Variants in NAALADL2 observed in about 807,000 individuals in gnomAD.
NAALADL2 encodes N-acetylated alpha-linked acidic dipeptidase like 2.
NAALADL2 carries 76 observed loss-of-function variants against 87.2 expected under a neutral mutation model. That is an observed-to-expected ratio of 0.87 (90% confidence interval 0.72 to 1.05). The LOEUF (loss-of-function observed/expected upper bound fraction) is 1.05. NAALADL2 is among the 50% of genes least tolerant of loss of function. The probability of loss-of-function intolerance (pLI) is 0.00; values close to 1 mark genes in which losing one functional copy is unlikely to be tolerated. For synonymous variants in NAALADL2, 354 were observed against 331.0 expected (o/e 1.07, Z -0.75); for missense variants, 1,089 against 945.8 (o/e 1.15, Z -1.99).
At chr3:174,892,858 G>T (rs1318818402) in intron 1 of NAALADL2, among the ~76,000 whole-genome samples, 1 of 148,516 alleles carries the variant, frequency 6.7e-6, no homozygotes, top group Non-Finnish European at 1.5e-5. Flanking sequence ...AGAGGTGGAG[G>T]TTGCAGTGAG....
At chr3:174,552,663 G>A (rs1712264874) in intron 2 of NAALADL2, among the ~76,000 whole-genome samples, 1 of 151,776 alleles carries the variant, frequency 6.6e-6, no homozygotes, top group Admixed American at 6.6e-5. Context: ...GGATGTGGTG[G>A]CACAGGCCTG....
At chr3:175,109,650 CACTT>C (rs1260111676) in intron 2 of NAALADL2, among the ~76,000 whole-genome samples, 1 of 151,846 alleles carries the variant, frequency 6.6e-6, no homozygotes, top group African/African-American at 2.4e-5. Flanking sequence ...TTCAAACGAA[CACTT>C]ACTGTGCTCT....
chr3:175,278,608 A>T (rs1304799569), intron 4 of NAALADL2, among the ~76,000 whole-genome samples: 2 of 152,120 alleles, frequency 1.3e-5, no homozygotes, highest in Non-Finnish European at 2.9e-5. Context: ...CCTTATAAAA[A>T]GTTCTTTTCT....
intron 1 of NAALADL2, among the ~76,000 whole-genome samples, chr3:174,865,169 G>A (rs1361665810): frequency 6.6e-6 from 1 of 151,916 alleles, no homozygotes; most frequent in Non-Finnish European, 1.5e-5. Flanking sequence ...TTAGTGTAAT[G>A]CAGGTTGTAT....
At chr3:174,908,075 C>A in intron 1 of NAALADL2, among the ~76,000 whole-genome samples, 1 of 135,288 alleles carries the variant, frequency 7.4e-6, no homozygotes. Flanking sequence ...CCTTTATCTC[C>A]CACTTGATTT....
At chr3:175,430,614 G>T (rs1717587348) in intron 5 of NAALADL2, among the ~76,000 whole-genome samples, 1 of 151,958 alleles carries the variant, frequency 6.6e-6, no homozygotes, top group South Asian at 2.1e-4. Context: ...TCCAGAGGCA[G>T]ATTCACTGAA....
At chr3:175,106,202 G>C in intron 2 of NAALADL2, among the ~76,000 whole-genome samples, 1 of 145,660 alleles carries the variant, frequency 6.9e-6, no homozygotes, top group East Asian at 2.1e-4. Flanking sequence ...TTTTTATTAA[G>C]TCTATCTGAT....
intron 13 of NAALADL2, among the ~76,000 whole-genome samples, chr3:175,761,286 G>T (rs1202117431): frequency 2.0e-5 from 3 of 152,130 alleles, no homozygotes. Flanking sequence ...TTTCCAGAAT[G>T]TCACCTATTT....
chr3:174,964,035 G>GAAAA (rs35955059), intron 1 of NAALADL2, among the ~76,000 whole-genome samples: 3,248 of 151,150 alleles, frequency 0.021, 111 homozygotes, highest in African/African-American at 0.075. Flanking sequence ...AATCTTTTGG[G>GAAAA]AAAAAAAACT....
chr3:174,752,110 T>A (rs1033142878), intron 3 of NAALADL2, among the ~76,000 whole-genome samples: 2 of 152,016 alleles, frequency 1.3e-5, no homozygotes, highest in Non-Finnish European at 2.9e-5. Flanking sequence ...CTCGAGTAGC[T>A]GGGACTATAG....
At chr3:174,658,465 GT>G (rs1163427795) in intron 2 of NAALADL2, among the ~76,000 whole-genome samples, 1 of 151,928 alleles carries the variant, frequency 6.6e-6, no homozygotes, top group Non-Finnish European at 1.5e-5. Context: ...TTAAATCAGG[GT>G]TTTTTATTAT....
At chr3:174,571,494 C>T (rs1319636891) in intron 2 of NAALADL2, among the ~76,000 whole-genome samples, 2 of 152,256 alleles carry the variant, frequency 1.3e-5, no homozygotes, top group Admixed American at 6.5e-5. Context: ...ATTTTCCTGC[C>T]TCAGCCTCCC....
chr3:175,517,670 A>T (rs1017670588), intron 9 of NAALADL2, among the ~76,000 whole-genome samples: 2 of 152,160 alleles, frequency 1.3e-5, no homozygotes, highest in Non-Finnish European at 2.9e-5. Flanking sequence ...CTCGAGGTTC[A>T]TCATCTCATG....
intron 2 of NAALADL2, among the ~76,000 whole-genome samples, chr3:174,652,703 A>G (rs62284712): frequency 0.078 from 11,943 of 152,276 alleles, 687 homozygotes; most frequent in South Asian, 0.27. Flanking sequence ...GGTGGGACAC[A>G]GCCAAACCAT....
rs1295411966 is a variant in NAALADL2, at chr3:175,785,229, G to T, written c.2190-17776G>T. The stretch of plus-strand genomic sequence containing the variant: ...TAGATGTCTATTAGGTCTGCTTGGT[G>T]CAGAGCTGAGTTCAATTCCTGGGTA... On this transcript the variant is annotated intron_variant, in intron 13 of 13. Coordinates refer to ENST00000454872, the MANE Select transcript of NAALADL2 (RefSeq NM_207015.3). 6.9e-3 allele frequency among the ~76,000 whole-genome samples: 1,025 copies of T among 149,140 alleles called. 22 individuals carry two copies. The highest frequency in any genetic ancestry group is 0.026 in the African/African-American group (995 of 38,766).
intron 11 of NAALADL2, among the ~76,000 whole-genome samples, chr3:175,711,285 T>C (rs958402466): frequency 6.6e-6 from 1 of 151,874 alleles, no homozygotes; most frequent in Non-Finnish European, 1.5e-5. Context: ...GCAATCTCTT[T>C]TACAGGTTCA....
intron 1 of NAALADL2, among the ~76,000 whole-genome samples, chr3:175,007,936 A>G (rs1201902969): frequency 1.3e-5 from 2 of 152,162 alleles, no homozygotes; most frequent in Non-Finnish European, 2.9e-5. Flanking sequence ...CGATCTGATA[A>G]CTGAGAGGGC....
intron 3 of NAALADL2, among the ~76,000 whole-genome samples, chr3:175,252,768 A>G (rs1261242032): frequency 6.6e-6 from 1 of 152,226 alleles, no homozygotes; most frequent in Non-Finnish European, 1.5e-5. Flanking sequence ...ATGAATAATT[A>G]GAGAGCAAAA....
At chr3:174,682,684 A>G (rs918210108) in intron 2 of NAALADL2, among the ~76,000 whole-genome samples, 1 of 152,220 alleles carries the variant, frequency 6.6e-6, no homozygotes, top group African/African-American at 2.4e-5. Flanking sequence ...CAGCATTACT[A>G]GGCTTGTGGT....
Sources: gnomAD v4.1 joint callset for allele counts (sites outside exome capture counted in the v4.1 genomes callset) on GRCh38, gnomAD v4.1.1 for gene constraint, MANE v1.5 for transcripts, NCBI Gene and HGNC (gene_info 2026-07-23, HGNC 2026-07-21) for gene names.